Variants in ITSN2 observed in about 807,000 individuals in gnomAD.
ITSN2 encodes the protein intersectin 2.
A neutral mutation model predicts 243.7 loss-of-function variants in ITSN2; 156 were observed. That is an observed-to-expected ratio of 0.64 (90% CI 0.56 to 0.73). ITSN2 has a LOEUF of 0.73. Ranked by LOEUF, ITSN2 falls within the 30% of genes least tolerant of loss-of-function variation. The pLI, the probability that ITSN2 is intolerant of heterozygous loss-of-function variation, is 0.00. For synonymous variants in ITSN2, 703 were observed against 699.9 expected (o/e 1.00, Z -0.07); for missense variants, 1,801 against 1,996.1 (o/e 0.90, Z 1.86).
chr2:24,215,899 C>G (rs1002716430), intron 32 of ITSN2, 150 bp downstream of exon 32: 21 of 525,554 alleles, frequency 4.0e-5, no homozygotes, highest in Non-Finnish European at 6.3e-5. Context: ...CAACACAAAA[C>G]AATCGGAAAA....
intron 13 of ITSN2, among the ~76,000 whole-genome samples, chr2:24,296,565 T>C (rs1167571454): frequency 1.3e-5 from 2 of 152,054 alleles, no homozygotes; most frequent in African/African-American, 4.8e-5. Context: ...GCACCAGAGA[T>C]AAAATACACT....
chr2:24,270,486 CTTAG>C (rs1677206713), intron 20 of ITSN2, among the ~76,000 whole-genome samples, 181 bp downstream of exon 20: 1 of 152,178 alleles, frequency 6.6e-6, no homozygotes, highest in African/African-American at 2.4e-5. Context: ...TTGGCTAGAA[CTTAG>C]TTAGTAATAA....
At chr2:24,287,040 T>G (rs139435844) in intron 15 of ITSN2, among the ~76,000 whole-genome samples, 21 of 152,144 alleles carry the variant, frequency 1.4e-4, no homozygotes, top group Non-Finnish European at 2.2e-4. Context: ...AAAATTTAAA[T>G]AAAATGAAAC....
chr2:24,286,082 T>C, intron 16 of ITSN2, 130 bp downstream of exon 16: 1 of 590,902 alleles, frequency 1.7e-6, no homozygotes, highest in South Asian at 2.5e-5. Flanking sequence ...AATTCTTGTA[T>C]AGTTGAAATT....
chr2:24,246,006 A>C (rs1673315065), intron 29 of ITSN2, 123 bp downstream of exon 29: 1 of 594,334 alleles, frequency 1.7e-6, no homozygotes, highest in Non-Finnish European at 2.8e-6. Flanking sequence ...TTCTCACTTT[A>C]AACACTAATC....
rs887627580 is a variant in ITSN2, at chr2:24,312,136, C to T, written c.352+76G>A. ...GACTGTCATTTTGTGCTAACAAATC[C>T]TTTTCTAATACTCAAATATGCCTAG... On this transcript the variant is annotated intron_variant, in intron 5 of 39. Transcript: ENST00000355123. 130 of 1,226,842 alleles carry T rather than the reference C, an allele frequency of 1.1e-4. 1 individual carries two copies. The South Asian group carries it at 2.3e-3, about 22-fold the overall frequency. 76.0% of individuals were successfully genotyped at this position (1,226,842 alleles called of 1,614,324 possible). A position where few individuals can be genotyped will look rare whatever the true frequency, so the allele number is the denominator to read the frequency against.
intron 20 of ITSN2, among the ~76,000 whole-genome samples, chr2:24,264,596 T>G (rs1009598780): frequency 1.5e-5 from 1 of 67,890 alleles, no homozygotes; most frequent in African/African-American, 5.8e-5. Flanking sequence ...GAAATTCATT[T>G]TTTTGCATAT....
chr2:24,311,444 G>A (rs1027608189), intron 5 of ITSN2, among the ~76,000 whole-genome samples: 7 of 152,050 alleles, frequency 4.6e-5, no homozygotes, highest in Admixed American at 6.6e-5. Flanking sequence ...ATTCACAGGT[G>A]CGATCATAGC....
At chr2:24,317,311 G>C (rs1034266356) in intron 2 of ITSN2, among the ~76,000 whole-genome samples, 18 of 151,990 alleles carry the variant, frequency 1.2e-4, no homozygotes, top group Admixed American at 2.6e-4. Context: ...TTGAACCCGG[G>C]AGGTGGAGGT....
intron 30 of ITSN2, 48 bp downstream of exon 30, chr2:24,220,897 T>C (rs569016022): frequency 4.3e-5 from 67 of 1,547,576 alleles, no homozygotes; most frequent in Non-Finnish European, 5.7e-5. Context: ...CCATCTCTCA[T>C]GAGAGACAGC....
Position 24,310,605 on chromosome 2 carries a change from G to C in ITSN2, c.440C>G (p.Thr147Ser). The C allele has an allele frequency of 6.2e-7, 1 of 1,614,106 alleles. No individual in the cohort carries two copies. The highest frequency in any genetic ancestry group is 1.1e-5 in the South Asian group (1 of 91,080). The change falls in exon 6 of 40, where the codon ACC (threonine) becomes AGC (serine). Residue 147 changes from threonine (T) to serine (S), a missense_variant. Physicochemically the swap from Thr to Ser is moderately conservative, Grantham distance 58 (BLOSUM62 1). Coordinates refer to ENST00000355123, the MANE Select transcript of ITSN2 (RefSeq NM_006277.3). ...GGGCATCATTAAGGGAGGAAGGTTGGTCCCTGAAGTCGCAGAAGACAATGA... is the reference window on the plus strand; with the variant it reads ...GGGCATCATTAAGGGAGGAAGGTTGCTCCCTGAAGTCGCAGAAGACAATGA... Reference protein sequence around the residue: ...ITSLSSATSGTNLPPLMMPTP... With the variant: ...ITSLSSATSGSNLPPLMMPTP...
At chr2:24,339,032 G>C (rs1045333058) in intron 1 of ITSN2, among the ~76,000 whole-genome samples, 1 of 152,144 alleles carries the variant, frequency 6.6e-6, no homozygotes, top group Non-Finnish European at 1.5e-5. Flanking sequence ...ATAGTGTGCA[G>C]ATAGGCTCTG....
intron 24 of ITSN2, among the ~76,000 whole-genome samples, 198 bp from the exon 25 acceptor site, chr2:24,252,709 T>C (rs2151329918): frequency 6.6e-6 from 1 of 152,286 alleles, no homozygotes; most frequent in African/African-American, 2.4e-5. Flanking sequence ...AAAAAGTTAT[T>C]TGACTTAACA....
intron 1 of ITSN2, among the ~76,000 whole-genome samples, chr2:24,328,468 T>C (rs989097098): frequency 7.0e-6 from 1 of 142,588 alleles, no homozygotes; most frequent in African/African-American, 2.6e-5. Context: ...AAATCCATAC[T>C]TTTTTTTTTT....
intron 29 of ITSN2, among the ~76,000 whole-genome samples, chr2:24,222,146 G>C (rs571464471): frequency 6.6e-6 from 1 of 152,020 alleles, no homozygotes; most frequent in East Asian, 1.9e-4. Context: ...CAGCTACTCA[G>C]GAGGCTGAGG....
At chr2:24,297,847 C>A (rs1681174786) in intron 13 of ITSN2, among the ~76,000 whole-genome samples, 1 of 152,182 alleles carries the variant, frequency 6.6e-6, no homozygotes, top group African/African-American at 2.4e-5. Context: ...TGAACTGATG[C>A]TACAACATAA....
intron 17 of ITSN2, among the ~76,000 whole-genome samples, chr2:24,282,772 C>T (rs1558548079): frequency 1.3e-5 from 2 of 152,140 alleles, no homozygotes; most frequent in Non-Finnish European, 2.9e-5. Context: ...GAACCTTTCC[C>T]GTTTTACTGT....
chr2:24,259,734 C>G (rs549314128), intron 22 of ITSN2, among the ~76,000 whole-genome samples: 10 of 152,270 alleles, frequency 6.6e-5, no homozygotes, highest in Non-Finnish European at 1.5e-4. Context: ...TCTTTGAAGA[C>G]CCTACTCAAA....
intron 29 of ITSN2, among the ~76,000 whole-genome samples, chr2:24,231,636 C>T (rs1171663852): frequency 6.6e-6 from 1 of 152,110 alleles, no homozygotes; most frequent in Non-Finnish European, 1.5e-5. Context: ...AGCACTATTC[C>T]AAGTTACAGT....
Sources: gnomAD v4.1 joint callset for allele counts (sites outside exome capture counted in the v4.1 genomes callset) on GRCh38, gnomAD v4.1.1 for gene constraint, MANE v1.5 for transcripts, NCBI Gene and HGNC (gene_info 2026-07-23, HGNC 2026-07-21) for gene names.